The following ST6GALNAC5 variants were observed in gnomAD, a reference collection of about 807,000 sequenced individuals.
ST6GALNAC5 encodes the protein alpha-N-acetylgalactosaminide alpha-2,6-sialyltransferase 5.
In ST6GALNAC5, 27 loss-of-function variants were observed where a neutral mutation model predicts 33.6. That is an observed-to-expected ratio of 0.80 (90% CI 0.59 to 1.11). The LOEUF is 1.11. Ranked by LOEUF, ST6GALNAC5 falls within the 50% of genes least tolerant of loss-of-function variation. ST6GALNAC5 has a pLI of 0.00. For synonymous variants in ST6GALNAC5, 194 were observed against 171.2 expected, an observed-to-expected ratio of 1.13 and a Z score of -1.04; for missense variants, 428 against 454.0, an observed-to-expected ratio of 0.94 and a Z score of 0.52.
rs1652669212 is a variant in ST6GALNAC5, at chr1:77,063,519, A to G, written c.*313A>G. 1 of 344,276 alleles carries G rather than the reference A, an allele frequency of 2.9e-6. No individual in the cohort carries two copies. 21.3% of individuals were successfully genotyped at this position (344,276 alleles called of 1,614,324 possible). On this transcript the variant is annotated 3_prime_UTR_variant, in exon 5 of 5. Transcript: ENST00000477717. Reference sequence around the variant, plus strand: ...TTAGTATTGCCTTTGAAACTGCAACATAAGCAACTCAACAATATTAGTTGC... The same window carrying G: ...TTAGTATTGCCTTTGAAACTGCAACGTAAGCAACTCAACAATATTAGTTGC...
At chr1:76,878,673 G>A (rs539971065) in intron 2 of ST6GALNAC5, among the ~76,000 whole-genome samples, 1 of 152,066 alleles carries the variant, frequency 6.6e-6, no homozygotes, top group Admixed American at 6.5e-5. Context: ...AGGCGTTCTG[G>A]GTCTGTAAAC....
intron 2 of ST6GALNAC5, among the ~76,000 whole-genome samples, chr1:76,966,103 T>C (rs547509707): frequency 6.6e-6 from 1 of 152,316 alleles, no homozygotes; most frequent in East Asian, 1.9e-4. Context: ...CCTTTTTGGA[T>C]CCATATGAAC....
At position 76,941,536 on chromosome 1, in the gene ST6GALNAC5, C is replaced by T. The variant is rs538723994; in HGVS notation, c.261+72794C>T. On this transcript the variant is annotated intron_variant, in intron 2 of 4. Coordinates refer to ENST00000477717, the MANE Select transcript of ST6GALNAC5 (RefSeq NM_030965.3). ...GCCTTTTTCAGAAAAAGGGTCATTG[C>T]AGCTATAATAAATTTAAGGCTCTTC... Among the ~76,000 whole-genome samples, 27 of 152,190 alleles carry T rather than the reference C, an allele frequency of 1.8e-4. No individual in the cohort carries two copies. The South Asian group carries it at 3.3e-3, about 19-fold the overall frequency.
intron 4 of ST6GALNAC5, among the ~76,000 whole-genome samples, chr1:77,057,562 G>A (rs938974057): frequency 1.3e-5 from 2 of 152,302 alleles, no homozygotes; most frequent in East Asian, 3.9e-4. Flanking sequence ...AGGTAGCAAG[G>A]TATGTTTGTT....
chr1:76,966,789 T>C (rs1045117062), intron 2 of ST6GALNAC5, among the ~76,000 whole-genome samples: 6 of 152,364 alleles, frequency 3.9e-5, no homozygotes, highest in African/African-American at 1.2e-4. Flanking sequence ...CCTAGTTTAT[T>C]GAGAGCTTTT....
intron 2 of ST6GALNAC5, among the ~76,000 whole-genome samples, chr1:77,029,687 G>C (rs1243474708): frequency 6.6e-6 from 1 of 152,138 alleles, no homozygotes; most frequent in Non-Finnish European, 1.5e-5. Flanking sequence ...CCTGAGTGAG[G>C]AAAGAAAAAC....
intron 2 of ST6GALNAC5, among the ~76,000 whole-genome samples, chr1:76,932,120 T>C (rs921433924): frequency 3.9e-5 from 6 of 152,152 alleles, no homozygotes; most frequent in Non-Finnish European, 8.8e-5. Flanking sequence ...AATATTCACT[T>C]AGGTAATAAC....
intron 2 of ST6GALNAC5, among the ~76,000 whole-genome samples, chr1:76,957,570 T>C (rs1648053403): frequency 6.6e-6 from 1 of 152,126 alleles, no homozygotes; most frequent in African/African-American, 2.4e-5. Context: ...TTTTGACACA[T>C]TCGTTTTATT....
chr1:76,998,286 T>C (rs563168094), intron 2 of ST6GALNAC5, among the ~76,000 whole-genome samples: 37 of 152,190 alleles, frequency 2.4e-4, no homozygotes, highest in Non-Finnish European at 7.4e-5. Context: ...GGTCTAGCTA[T>C]TCAGGAGGCT....
intron 2 of ST6GALNAC5, among the ~76,000 whole-genome samples, chr1:76,992,503 T>A (rs72681833): frequency 4.5e-5 from 3 of 67,270 alleles, no homozygotes; most frequent in African/African-American, 5.4e-5. Flanking sequence ...AATTTAATTT[T>A]ATTTTATTTG....
intron 2 of ST6GALNAC5, among the ~76,000 whole-genome samples, chr1:76,975,952 G>A (rs1031407030): frequency 3.9e-5 from 6 of 152,016 alleles, no homozygotes; most frequent in South Asian, 2.1e-4. Flanking sequence ...AAACTTAGCC[G>A]GGCTTGGTGG....
intron 4 of ST6GALNAC5, among the ~76,000 whole-genome samples, chr1:77,056,672 G>A (rs1318405196): frequency 6.6e-6 from 1 of 152,144 alleles, no homozygotes; most frequent in African/African-American, 2.4e-5. Context: ...ACAGAAGACG[G>A]GTGTGGAATG....
chr1:77,029,310 A>T (rs1651364635), intron 2 of ST6GALNAC5, among the ~76,000 whole-genome samples: 1 of 152,236 alleles, frequency 6.6e-6, no homozygotes, highest in Non-Finnish European at 1.5e-5. Context: ...TAATAGCTCA[A>T]AAATGACAGC....
At chr1:76,931,260 C>A (rs1173905208) in intron 2 of ST6GALNAC5, among the ~76,000 whole-genome samples, 1 of 152,078 alleles carries the variant, frequency 6.6e-6, no homozygotes, top group African/African-American at 2.4e-5. Flanking sequence ...CCAGTCAAAC[C>A]TCTGATGAGA....
chr1:76,922,408 A>T (rs1570675241), intron 2 of ST6GALNAC5, among the ~76,000 whole-genome samples: 1 of 152,208 alleles, frequency 6.6e-6, no homozygotes, highest in East Asian at 1.9e-4. Context: ...CAGAAGAGTC[A>T]GTATAGTAAA....
At chr1:76,903,076 A>G (rs1038548044) in intron 2 of ST6GALNAC5, among the ~76,000 whole-genome samples, 2 of 152,200 alleles carry the variant, frequency 1.3e-5, no homozygotes, top group Non-Finnish European at 2.9e-5. Flanking sequence ...TGTGCTTCAA[A>G]GGATGCTATC....
At chr1:76,881,944 G>A (rs1410975885) in intron 2 of ST6GALNAC5, among the ~76,000 whole-genome samples, 1 of 152,070 alleles carries the variant, frequency 6.6e-6, no homozygotes, top group Admixed American at 6.6e-5. Flanking sequence ...GCAGAGCTGG[G>A]GCAAAATGTC....
intron 2 of ST6GALNAC5, among the ~76,000 whole-genome samples, chr1:76,986,165 G>A (rs929483319): frequency 2.0e-5 from 3 of 152,092 alleles, no homozygotes; most frequent in Non-Finnish European, 4.4e-5. Context: ...TAGACAAATG[G>A]GATCTAATTA....
intron 2 of ST6GALNAC5, among the ~76,000 whole-genome samples, chr1:76,951,118 G>T (rs374904058): frequency 6.6e-6 from 1 of 152,042 alleles, no homozygotes; most frequent in East Asian, 1.9e-4. Context: ...AAGTCAACAG[G>T]GTTTACAGTT....
Sources: gnomAD v4.1 joint callset for allele counts (sites outside exome capture counted in the v4.1 genomes callset) on GRCh38, gnomAD v4.1.1 for gene constraint, MANE v1.5 for transcripts, NCBI Gene and HGNC (gene_info 2026-07-23, HGNC 2026-07-21) for gene names.